Variants in ZBED1 observed in about 807,000 individuals in gnomAD.
The protein encoded by ZBED1 is zinc finger BED-type containing 1.
ZBED1 carries 19 observed loss-of-function variants against 49.7 expected under a neutral mutation model. The observed-to-expected ratio is 0.38, with a 90% CI of 0.27 to 0.56. The LOEUF (loss-of-function observed/expected upper bound fraction) is 0.56. Among genes scored for constraint, ZBED1 ranks in the 20% least tolerant of loss-of-function variants. ZBED1 has a pLI of 0.70. For synonymous variants in ZBED1, 439 were observed against 440.3 expected (o/e 1.00, Z 0.04); for missense variants, 806 against 972.6 (o/e 0.83, Z 2.28).
In ZBED1 at chrX:2,487,190, G is replaced by A. The variant is rs1234907332; in HGVS notation, c.*1445C>T. The A allele has an allele frequency of 6.6e-6, 1 of 152,204 alleles. No homozygotes were observed. The highest frequency in any genetic ancestry group is 1.5e-5 in the Non-Finnish European group (1 of 68,032). The allele number at this position is 152,204 out of a possible 1,614,324, so 9.4% of individuals were successfully genotyped here. A position where few individuals can be genotyped will look rare whatever the true frequency, so the allele number is the denominator to read the frequency against. ...AATCCAGCCACGGAAAACCCCTCCG[G>A]GGGCAATATTTTAAAATTCATTTCC... On this transcript the variant is annotated 3_prime_UTR_variant, in exon 2 of 2. Transcript: ENST00000652001.
intron 1 of ZBED1, among the ~76,000 whole-genome samples, chrX:2,495,621 A>C (rs1449756911): frequency 6.6e-6 from 1 of 151,426 alleles, no homozygotes; most frequent in Non-Finnish European, 1.5e-5. Flanking sequence ...TAACAGCCAC[A>C]GCAGAGCTGA....
Position 2,488,555 on chromosome X carries a change from A to G in ZBED1, c.*80T>C. ...TGGATGGTCTCTGAGGTTCAAAACC[A>G]AGCTGACCGGGTAAGTATTTACAGC... On this transcript the variant is annotated 3_prime_UTR_variant, in exon 2 of 2. Transcript: ENST00000652001. 6.7e-7 allele frequency: 1 copy of G among 1,491,242 alleles called. No individual in the cohort carries two copies. Among genetic ancestry groups the G allele is most frequent in the Non-Finnish European group, 8.9e-7 (1 of 1,118,968 alleles). 92.4% of individuals were successfully genotyped at this position (1,491,242 alleles called of 1,614,324 possible).
Position 2,489,182 on chromosome X carries a change from T to C in ZBED1, c.1538A>G (p.Tyr513Cys), listed in dbSNP as rs1202108499. ...GAAGATCTTGTCCTCAGCCGGCCGG[T>C]AGCCGCCGTCTTTGACCTTGTCCAG... ...GLLDKVKDGG[Y>C]RPAEDKIFPV... The change falls in exon 2 of 2, where the codon TAC (tyrosine) becomes TGC (cysteine). Residue 513 changes from tyrosine to cysteine, a missense_variant. Tyr to Cys is a radical substitution (Grantham distance 194, BLOSUM62 -2). Around this residue, in one of 2 missense-constraint regions of ZBED1, gnomAD observed 749 missense variants for 861.3 expected, o/e 0.87. Coordinates refer to ENST00000652001, the MANE Select transcript of ZBED1 (RefSeq NM_001171136.2). The C allele has an allele frequency of 2.5e-6, 4 of 1,613,462 alleles. No homozygotes were observed. The highest frequency in any genetic ancestry group is 3.4e-6 in the Non-Finnish European group (4 of 1,179,822).
rs1161751829 is a variant in ZBED1 at position 2,491,131 on chromosome X, G to A, written c.-53-359C>T. ...GTCACCCAGGCTGCAGTGCAATGGCGTGATCTCAGCTCACTGCAACCTCCG... is the reference window on the plus strand; with the variant it reads ...GTCACCCAGGCTGCAGTGCAATGGCATGATCTCAGCTCACTGCAACCTCCG... On this transcript the variant is annotated intron_variant, in intron 1 of 1. Transcript: ENST00000652001. Among the ~76,000 whole-genome samples the A allele has an allele frequency of 3.4e-5, 5 of 148,476 alleles. No individual in the cohort carries two copies. In the Admixed American group the frequency reaches 3.4e-4, roughly 10 times the overall value.
chrX:2,493,471 C>CATT (rs762176172), intron 1 of ZBED1, among the ~76,000 whole-genome samples: 25 of 150,692 alleles, frequency 1.7e-4, no homozygotes, highest in South Asian at 1.0e-3. Context: ...TTATTATTAT[C>CATT]ATTATTATTA....
intron 1 of ZBED1, among the ~76,000 whole-genome samples, chrX:2,496,948 T>C (rs1417448338): frequency 6.6e-6 from 1 of 151,240 alleles, no homozygotes; most frequent in Non-Finnish European, 1.5e-5. Flanking sequence ...GTATGTAACA[T>C]GTAATTGGCC....
intron 1 of ZBED1, 163 bp downstream of exon 1, chrX:2,500,654 G>GCCCCCCCCCAAC (rs2045400405): frequency 7.9e-6 from 1 of 126,696 alleles, no homozygotes; most frequent in Admixed American, 7.7e-5. Flanking sequence ...CGCGCACGCC[G>GCCCCCCCCCAAC]CCCCCCCCCC....
intron 1 of ZBED1, 71 bp downstream of exon 1, chrX:2,500,746 G>C (rs1197076708): frequency 1.0e-5 from 6 of 597,906 alleles, no homozygotes; most frequent in South Asian, 7.5e-5. Flanking sequence ...GAGCCCCCGC[G>C]CCCCCGCCCC....
chrX:2,489,075 C>A lies in ZBED1; in HGVS notation c.1645G>T (p.Ala549Ser). 1 of 1,613,882 alleles carries A rather than the reference C, an allele frequency of 6.2e-7. No homozygotes were observed. Among genetic ancestry groups the A allele is most frequent in the Non-Finnish European group, 8.5e-7 (1 of 1,179,864 alleles). Reference protein sequence around the residue: ...PPASVINNMLAEIFCQTGGVE... With the variant: ...PPASVINNMLSEIFCQTGGVE... The stretch of plus-strand genomic sequence containing the variant: ...CCGCCTGTCTGGCAGAAGATCTCGG[C>A]CAGCATGTTGTTGATGACGCTGGCG... The change falls in exon 2 of 2, where the codon GCC (alanine) becomes TCC (serine). Residue 549 changes from alanine to serine, a missense_variant. By Grantham distance (99) the Ala-to-Ser change is moderately conservative (BLOSUM62 1). Coordinates refer to ENST00000652001, the MANE Select transcript of ZBED1 (RefSeq NM_001171136.2).
intron 1 of ZBED1, chrX:2,500,520 A>T: frequency 6.4e-6 from 1 of 156,316 alleles, no homozygotes; most frequent in Non-Finnish European, 1.4e-5. Flanking sequence ...GCTTGGTTGG[A>T]GCCCGACCCG....
chrX:2,487,957 C>A lies in ZBED1; in HGVS notation c.*678G>T, dbSNP rs2044990977. On this transcript the variant is annotated 3_prime_UTR_variant, in exon 2 of 2. Transcript: ENST00000652001. Reference sequence around the variant, plus strand: ...TCACACATGATGATCGGGAAAGGCTCCTTCGACGCCACCCAGAATGTTCCT... The same window carrying A: ...TCACACATGATGATCGGGAAAGGCTACTTCGACGCCACCCAGAATGTTCCT... 6.6e-6 allele frequency: 1 copy of A among 151,846 alleles called. No homozygotes were observed. Among genetic ancestry groups the A allele is most frequent in the Non-Finnish European group, 1.5e-5 (1 of 68,004 alleles). 9.4% of individuals were successfully genotyped at this position (151,846 alleles called of 1,614,324 possible). A position where few individuals can be genotyped will look rare whatever the true frequency, so the allele number is the denominator to read the frequency against.
rs2045013654 is a variant in ZBED1, at chrX:2,488,605, G to C, written c.*30C>G. The C allele has an allele frequency of 6.4e-7, 1 of 1,556,042 alleles. No homozygotes were observed. The highest frequency in any genetic ancestry group is 8.7e-7 in the Non-Finnish European group (1 of 1,152,942). ...CAAAGCATCCAATGGGCTGCTGCGGGGATGACTTGTAAGACAACACGCTTC... is the reference window on the plus strand; with the variant it reads ...CAAAGCATCCAATGGGCTGCTGCGGCGATGACTTGTAAGACAACACGCTTC... On this transcript the variant is annotated 3_prime_UTR_variant, in exon 2 of 2. Transcript: ENST00000652001.
chrX:2,496,208 G>C (rs1424369102), intron 1 of ZBED1, among the ~76,000 whole-genome samples: 5 of 151,542 alleles, frequency 3.3e-5, no homozygotes, highest in African/African-American at 1.2e-4. Flanking sequence ...TTGTTTTTTT[G>C]GTTTTTTTGA....
Position 2,489,972 on chromosome X carries a change from C to G in ZBED1, c.748G>C (p.Val250Leu). ...CACTCGATGAAGACCTCATAGAGCACTCGCGTGATGGTCTCCGCCGTGTTC... is the reference window on the plus strand; with the variant it reads ...CACTCGATGAAGACCTCATAGAGCAGTCGCGTGATGGTCTCCGCCGTGTTC... ...EENTAETITR[V>L]LYEVFIEWGI... is the part of the protein sequence containing the mutation. Residue 250 changes from valine (V) to leucine (L), a missense_variant, in exon 2 of 2, where the codon GTG becomes CTG. By Grantham distance (32) the Val-to-Leu change is conservative. This residue lies in a region of ZBED1 where 749 missense variants were observed against 861.3 expected (regional missense o/e 0.87). Coordinates refer to ENST00000652001, the MANE Select transcript of ZBED1 (RefSeq NM_001171136.2). 6.2e-7 allele frequency: 1 copy of G among 1,613,918 alleles called. No homozygotes were observed. The highest frequency in any genetic ancestry group is 8.5e-7 in the Non-Finnish European group (1 of 1,179,870).
intron 1 of ZBED1, among the ~76,000 whole-genome samples, chrX:2,497,883 CATATTAGG>C (rs1385175190): frequency 6.6e-6 from 1 of 152,072 alleles, no homozygotes; most frequent in East Asian, 1.9e-4. Flanking sequence ...GTTTTGATGC[CATATTAGG>C]ATATTAAATG....
rs1445889374 is a variant in ZBED1 at position 2,500,840 on chromosome X, C to G, written c.-77G>C. 6.1e-6 allele frequency: 7 copies of G among 1,145,382 alleles called. No homozygotes were observed. The highest frequency in any genetic ancestry group is 4.3e-6 in the Non-Finnish European group (4 of 929,684). The allele number at this position is 1,145,382 out of a possible 1,614,324, so 71.0% of individuals were successfully genotyped here. On this transcript the variant is annotated 5_prime_UTR_variant, in exon 1 of 2. Transcript: ENST00000652001. The stretch of plus-strand genomic sequence containing the variant: ...ACCTGGCTCCAGGAAGCCCCCGCGG[C>G]AGCGCCGCAGCAGCTGCGCCAGGAT...
At position 2,489,348 on chromosome X, in the gene ZBED1, T is replaced by A; in HGVS notation, c.1372A>T (p.Thr458Ser). The change falls in exon 2 of 2, where the codon ACC becomes TCC. Residue 458 changes from threonine (T) to serine (S), a missense_variant. Coordinates refer to ENST00000652001, the MANE Select transcript of ZBED1 (RefSeq NM_001171136.2). The part of the protein sequence containing the change: ...KEVIAKELSK[T>S]YQETPEIDMF... ...TCGATCTCGGGCGTCTCCTGGTAGG[T>A]CTTGGAAAGCTCCTTGGCGATGACC... 1 of 1,613,764 alleles carries A rather than the reference T, an allele frequency of 6.2e-7. No homozygotes were observed. The highest frequency in any genetic ancestry group is 8.5e-7 in the Non-Finnish European group (1 of 1,179,802).
At position 2,487,802 on chromosome X, in the gene ZBED1, A is replaced by T. The variant is rs976895843; in HGVS notation, c.*833T>A. On this transcript the variant is annotated 3_prime_UTR_variant, in exon 2 of 2. Transcript: ENST00000652001. ...TCTGTCACATTTTTAACCGAACATT[A>T]AAAAAAAAGGTCTCTCTTTTTAAGA... 2 of 139,610 alleles carry T rather than the reference A, an allele frequency of 1.4e-5. No individual in the cohort carries two copies. Among genetic ancestry groups the T allele is most frequent in the African/African-American group, 5.0e-5 (2 of 40,258 alleles). The allele number at this position is 139,610 out of a possible 1,614,324, so 8.6% of individuals were successfully genotyped here. A position where few individuals can be genotyped will look rare whatever the true frequency, so the allele number is the denominator to read the frequency against.
chrX:2,492,007 G>A (rs1165304212), intron 1 of ZBED1, among the ~76,000 whole-genome samples: 1 of 152,182 alleles, frequency 6.6e-6, no homozygotes. Flanking sequence ...CAAGTGTCCA[G>A]TACAGTGCTC....
Sources: allele counts gnomAD v4.1 joint callset (sites outside exome capture counted in the v4.1 genomes callset), GRCh38; gene constraint gnomAD v4.1.1; regional missense constraint gnomAD v4.1.1; transcripts MANE v1.5; gene names NCBI Gene and HGNC (gene_info 2026-07-23, HGNC 2026-07-21).